MBP: variants seen among roughly 807,000 people sequenced by gnomAD.
MBP encodes the protein myelin basic protein.
Under a neutral mutation model 35.8 loss-of-function variants are expected in MBP, and 16 were observed. The observed-to-expected ratio is 0.45, with a 90% CI of 0.30 to 0.68. MBP has a LOEUF of 0.68. Ranked by LOEUF, MBP falls within the 30% of genes least tolerant of loss-of-function variation. The pLI, the probability that MBP is intolerant of heterozygous loss-of-function variation, is 0.08. For missense variants in MBP, 380 were observed against 404.7 expected, an observed-to-expected ratio of 0.94 and a Z score of 0.52; for synonymous variants, 143 against 159.6, an observed-to-expected ratio of 0.90 and a Z score of 0.78.
intron 2 of MBP, among the ~76,000 whole-genome samples, chr18:77,085,682 A>AGTT (rs1236274753): frequency 9.2e-6 from 1 of 108,150 alleles, no homozygotes; most frequent in Non-Finnish European, 2.0e-5. Context: ...CAGTGCAATA[A>AGTT]GTTTTTTTTT....
intron 4 of MBP, among the ~76,000 whole-genome samples, chr18:76,992,714 C>T (rs1236723635): frequency 3.3e-5 from 5 of 152,188 alleles, no homozygotes; most frequent in Admixed American, 6.5e-5. Context: ...CCTGTGGCCG[C>T]CCTTGCCTGC....
chr18:77,098,129 T>C (rs1304255719), intron 2 of MBP, among the ~76,000 whole-genome samples: 2 of 150,628 alleles, frequency 1.3e-5, no homozygotes, highest in Non-Finnish European at 3.0e-5. Context: ...GTCTCCTGAT[T>C]AGACTGTGAG....
intron 3 of MBP, among the ~76,000 whole-genome samples, chr18:77,052,187 C>A (rs1440085889): frequency 2.0e-5 from 3 of 152,218 alleles, no homozygotes; most frequent in Non-Finnish European, 2.9e-5. Flanking sequence ...AGCCACACAA[C>A]AGAGTCCCAA....
chr18:77,083,627 T>C (rs539863180), intron 2 of MBP, among the ~76,000 whole-genome samples: 2 of 152,264 alleles, frequency 1.3e-5, no homozygotes, highest in African/African-American at 4.8e-5. Context: ...ATGTGGTATA[T>C]CTATACAATG....
At chr18:76,987,739 AC>A in intron 7 of MBP, 4 of 994,952 alleles carry the variant, frequency 4.0e-6, no homozygotes, top group Non-Finnish European at 4.8e-6. Context: ...TAAAATTATA[AC>A]TTTTATACAG....
Position 76,979,720 on chromosome 18 carries a change from C to G in MBP, c.*707G>C, listed in dbSNP as rs1969071815. On this transcript the variant is annotated 3_prime_UTR_variant, in exon 9 of 9. Coordinates refer to ENST00000355994, the MANE Select transcript of MBP (RefSeq NM_001025101.2). Reference sequence around the variant, plus strand: ...CCCTGTTTCCTATGTGAGGCCATTGCCCAGCCCACGTTTGCCTCCTTTTCC... The same window carrying G: ...CCCTGTTTCCTATGTGAGGCCATTGGCCAGCCCACGTTTGCCTCCTTTTCC... The G allele has an allele frequency of 5.4e-6, 3 of 558,440 alleles. No individual in the cohort carries two copies. The highest frequency in any genetic ancestry group is 6.4e-5 in the Admixed American group (2 of 31,232). The allele number at this position is 558,440 out of a possible 1,614,324, so 34.6% of individuals were successfully genotyped here. A position where few individuals can be genotyped will look rare whatever the true frequency, so the allele number is the denominator to read the frequency against.
intron 2 of MBP, among the ~76,000 whole-genome samples, chr18:77,091,733 ACAC>A (rs1235147400): frequency 2.0e-5 from 3 of 151,382 alleles, no homozygotes; most frequent in Non-Finnish European, 2.9e-5. Flanking sequence ...ACACATATAC[ACAC>A]CACAAATACA....
At chr18:77,091,431 T>A (rs72990962) in intron 2 of MBP, among the ~76,000 whole-genome samples, 15,903 of 152,200 alleles carry the variant, frequency 0.1, 1,042 homozygotes, top group South Asian at 0.16. Context: ...AATTACATTT[T>A]AAAATATGAT....
intron 3 of MBP, among the ~76,000 whole-genome samples, chr18:77,033,796 A>AT (rs1972637588): frequency 6.7e-6 from 1 of 148,800 alleles, no homozygotes. Flanking sequence ...CCATCCATCC[A>AT]CCCACTCACC....
rs80107670 is a variant in MBP at position 77,055,251 on chromosome 18, G to C, written c.139+11047C>G. 4.6e-5 allele frequency among the ~76,000 whole-genome samples: 7 copies of C among 152,360 alleles called. No individual in the cohort carries two copies. The East Asian group carries it at 1.4e-3, about 29-fold the overall frequency. On this transcript the variant is annotated intron_variant, in intron 3 of 8. Transcript: ENST00000355994. ...GAGGAGCAGGGTCAGCAGAAACCCA[G>C]AGGCAGGAAGGAGCTGAGCTGAGCT... is the stretch of plus-strand genomic sequence containing the variant.
chr18:77,111,165 G>A (rs1976438885), intron 1 of MBP, among the ~76,000 whole-genome samples: 1 of 152,172 alleles, frequency 6.6e-6, no homozygotes, highest in East Asian at 1.9e-4. Flanking sequence ...ACACGACTCT[G>A]TGGGTCCGTC....
rs1317548033 is a variant in MBP at position 77,020,827 on chromosome 18, C to T, written c.140-3559G>A. ...AAACCCGCATTCCCAGACCACACCC[C>T]GGGACCTAGCTCACCACAGGCCTGC... On this transcript the variant is annotated intron_variant, in intron 3 of 8. Coordinates refer to ENST00000355994, the MANE Select transcript of MBP (RefSeq NM_001025101.2). The surrounding 1 kb of genome is among the most constrained non-coding windows in gnomAD (Gnocchi z 4.1). 2.0e-5 allele frequency among the ~76,000 whole-genome samples: 3 copies of T among 152,170 alleles called. No homozygotes were observed. Among genetic ancestry groups the T allele is most frequent in the Admixed American group, 1.3e-4 (2 of 15,268 alleles).
chr18:76,980,178 G>T lies in MBP; in HGVS notation c.*249C>A. ...CCACGTGCGTCTGGGGGCACATTGCGGGGGAAGGAACGTGATCTTCACACA... is the reference window on the plus strand; with the variant it reads ...CCACGTGCGTCTGGGGGCACATTGCTGGGGAAGGAACGTGATCTTCACACA... On this transcript the variant is annotated 3_prime_UTR_variant, in exon 9 of 9. Coordinates refer to ENST00000355994, the MANE Select transcript of MBP (RefSeq NM_001025101.2). 2 of 636,036 alleles carry T rather than the reference G, an allele frequency of 3.1e-6. No homozygotes were observed. The highest frequency in any genetic ancestry group is 2.5e-5 in the Admixed American group (1 of 40,054). 39.4% of individuals were successfully genotyped at this position (636,036 alleles called of 1,614,324 possible).
rs543637881 is a variant in MBP, at chr18:77,066,567, G to C, written c.52-182C>G. The stretch of plus-strand genomic sequence containing the variant: ...TTTTCTGCGCAGGATTCGGAATTCT[G>C]GCTTGTTTTCTCTGCCTAAGCACCT... On this transcript the variant is annotated intron_variant, in intron 2 of 8. Transcript: ENST00000355994. 322 of 759,500 alleles carry C rather than the reference G, an allele frequency of 4.2e-4. 4 individuals are homozygous for C. In the South Asian group the frequency reaches 4.2e-3, roughly 10 times the overall value. The allele number at this position is 759,500 out of a possible 1,614,324, so 47.0% of individuals were successfully genotyped here.
chr18:77,112,169 GCA>G (rs6146398), intron 1 of MBP, among the ~76,000 whole-genome samples: 56 of 150,990 alleles, frequency 3.7e-4, no homozygotes, highest in African/African-American at 1.1e-3. Context: ...CCGTGCACAC[GCA>G]CACACACACA....
intron 3 of MBP, among the ~76,000 whole-genome samples, chr18:77,024,617 T>A (rs1402880778): frequency 6.6e-6 from 1 of 152,182 alleles, no homozygotes; most frequent in Non-Finnish European, 1.5e-5. Context: ...TGCTCTGCAG[T>A]TTCCTTGGAG....
In MBP at chr18:76,979,467, CGCCCGGTCACA is replaced by C; in HGVS notation, c.*949_*959del. 1 of 157,706 alleles carries C rather than the reference CGCCCGGTCACA, an allele frequency of 6.3e-6. No homozygotes were observed. The highest frequency in any genetic ancestry group is 1.9e-4 in the South Asian group (1 of 5,264). The allele number at this position is 157,706 out of a possible 1,614,324, so 9.8% of individuals were successfully genotyped here. A position where few individuals can be genotyped will look rare whatever the true frequency, so the allele number is the denominator to read the frequency against. On this transcript the variant is annotated 3_prime_UTR_variant, in exon 9 of 9. Coordinates refer to ENST00000355994, the MANE Select transcript of MBP (RefSeq NM_001025101.2). ...CCACTGTGCACTGCCGCTGCCAGCA[CGCCCGGTCACA>C]GCCAGTGTCTATGGGCGACTGGCGC...
intron 1 of MBP, among the ~76,000 whole-genome samples, chr18:77,132,087 AGCCAGCACCCTCTCCACACCC>A (rs1475122043): frequency 6.6e-6 from 1 of 151,924 alleles, no homozygotes; most frequent in Non-Finnish European, 1.5e-5. Context: ...CCGCCCTGGC[AGCCAGCACCCTCTCCACACCC>A]GCCCAGAGTG....
intron 1 of MBP, among the ~76,000 whole-genome samples, chr18:77,132,357 C>T (rs1434798215): frequency 2.6e-5 from 4 of 152,106 alleles, no homozygotes; most frequent in African/African-American, 7.2e-5. Context: ...CGGCTGCTAC[C>T]TGCTCGGCCA....
Sources: allele counts gnomAD v4.1 joint callset (sites outside exome capture counted in the v4.1 genomes callset), GRCh38; gene constraint gnomAD v4.1.1; non-coding constraint Gnocchi (gnomAD v3.1); transcripts MANE v1.5; gene names NCBI Gene and HGNC (gene_info 2026-07-23, HGNC 2026-07-21).